Variants in LRRTM4 observed in about 807,000 individuals in gnomAD.
LRRTM4 encodes the protein leucine-rich repeat transmembrane neuronal protein 4.
Under a neutral mutation model 47.6 loss-of-function variants are expected in LRRTM4, and 25 were observed. The observed-to-expected ratio is 0.53, with a 90% confidence interval of 0.38 to 0.73. LRRTM4 has a LOEUF of 0.73. Ranked by LOEUF, LRRTM4 falls within the 30% of genes least tolerant of loss-of-function variation. The pLI, the probability that LRRTM4 is intolerant of heterozygous loss-of-function variation, is 0.00. For missense variants in LRRTM4, 638 were observed against 713.4 expected (o/e 0.89, Z 1.20); for synonymous variants, 311 against 269.5 (o/e 1.15, Z -1.51).
intron 3 of LRRTM4, among the ~76,000 whole-genome samples, chr2:76,840,857 G>T (rs1004673173): frequency 2.0e-5 from 3 of 152,062 alleles, no homozygotes; most frequent in African/African-American, 7.2e-5. Context: ...CATTGTGGAA[G>T]TCAGTGTGGC....
chr2:77,089,719 C>A (rs1331683524), intron 3 of LRRTM4, among the ~76,000 whole-genome samples: 1 of 152,130 alleles, frequency 6.6e-6, no homozygotes, highest in African/African-American at 2.4e-5. Flanking sequence ...CACACCTGAC[C>A]TAAAACCTAA....
chr2:76,772,670 A>G (rs913301619), intron 3 of LRRTM4, among the ~76,000 whole-genome samples: 5 of 152,170 alleles, frequency 3.3e-5, no homozygotes, highest in African/African-American at 1.2e-4. Flanking sequence ...TTTGAGGTAC[A>G]GTAGTGCCCA....
intron 3 of LRRTM4, among the ~76,000 whole-genome samples, chr2:77,083,156 A>G (rs543978912): frequency 6.6e-6 from 1 of 152,218 alleles, no homozygotes; most frequent in East Asian, 1.9e-4. Flanking sequence ...AATCCCTTTA[A>G]TTTTCCATAA....
chr2:76,801,416 A>C (rs1260534276), intron 3 of LRRTM4, among the ~76,000 whole-genome samples: 1 of 152,116 alleles, frequency 6.6e-6, no homozygotes, highest in Non-Finnish European at 1.5e-5. Context: ...TCGCAAGAAC[A>C]AAAAACCAAA....
chr2:76,835,687 A>G (rs957768342), intron 3 of LRRTM4, among the ~76,000 whole-genome samples: 1 of 152,032 alleles, frequency 6.6e-6, no homozygotes, highest in African/African-American at 2.4e-5. Flanking sequence ...TAACTTGACT[A>G]TTTGCACATT....
At chr2:77,132,547 G>A (rs1671829563) in intron 3 of LRRTM4, among the ~76,000 whole-genome samples, 1 of 152,250 alleles carries the variant, frequency 6.6e-6, no homozygotes, top group East Asian at 1.9e-4. Context: ...CAAAAAGCTA[G>A]CAGGTTCAGT....
intron 3 of LRRTM4, among the ~76,000 whole-genome samples, chr2:77,042,023 C>T (rs1679052181): frequency 6.6e-6 from 1 of 151,206 alleles, no homozygotes; most frequent in Non-Finnish European, 1.5e-5. Context: ...AACATAACAA[C>T]CGAATGCAAT....
At chr2:77,411,351 T>C (rs1486569278) in intron 3 of LRRTM4, among the ~76,000 whole-genome samples, 1 of 152,116 alleles carries the variant, frequency 6.6e-6, no homozygotes, top group Admixed American at 6.5e-5. Flanking sequence ...TAACCAAGTA[T>C]TGGATGCCGG....
chr2:77,298,391 C>T (rs533037494), intron 3 of LRRTM4, among the ~76,000 whole-genome samples: 3 of 152,258 alleles, frequency 2.0e-5, no homozygotes, highest in South Asian at 2.1e-4. Context: ...CACCCGCCAC[C>T]ACGCCCGGCT....
rs866884441 is a variant in LRRTM4, at chr2:77,480,863, G to A, written c.1551+37455C>T. On this transcript the variant is annotated intron_variant, in intron 3 of 3. Coordinates refer to ENST00000409884, the MANE Select transcript of LRRTM4 (RefSeq NM_001134745.3). ...AGAGAGAGAGAGAGAGAGAGAGAGA[G>A]AGAAATAGCTCTCATGCAGGATTTT... is the stretch of plus-strand genomic sequence containing the variant. 2.4e-3 allele frequency among the ~76,000 whole-genome samples: 315 copies of A among 129,708 alleles called. 1 individual carries two copies. Among genetic ancestry groups the A allele is most frequent in the South Asian group, 0.011 (46 of 4,046 alleles). The allele number at this position is 129,708 out of a possible 152,430, so 85.1% of individuals were successfully genotyped here.
At chr2:76,972,270 T>C (rs1017546032) in intron 3 of LRRTM4, among the ~76,000 whole-genome samples, 1 of 151,994 alleles carries the variant, frequency 6.6e-6, no homozygotes, top group Non-Finnish European at 1.5e-5. Flanking sequence ...CATGTGAATA[T>C]AGCCATCATT....
chr2:77,198,605 A>T (rs893428590), intron 3 of LRRTM4, among the ~76,000 whole-genome samples: 7 of 152,186 alleles, frequency 4.6e-5, no homozygotes, highest in African/African-American at 1.7e-4. Flanking sequence ...AGAGCATGAA[A>T]AACCTAGATA....
chr2:77,180,724 G>A (rs1673324294), intron 3 of LRRTM4, among the ~76,000 whole-genome samples: 1 of 152,004 alleles, frequency 6.6e-6, no homozygotes, highest in Admixed American at 6.6e-5. Context: ...TCTCATCTAT[G>A]CCACTGTACT....
chr2:77,183,124 AACT>A (rs563219853), intron 3 of LRRTM4, among the ~76,000 whole-genome samples: 1,884 of 152,302 alleles, frequency 0.012, 41 homozygotes, highest in African/African-American at 0.043. Context: ...CAGCAAAAGA[AACT>A]ACTATCAGAG....
At chr2:77,131,222 A>G (rs1671795792) in intron 3 of LRRTM4, among the ~76,000 whole-genome samples, 1 of 152,192 alleles carries the variant, frequency 6.6e-6, no homozygotes, top group Admixed American at 6.5e-5. Context: ...CAAAGCCGCA[A>G]GTAAATGATT....
chr2:77,058,445 A>G (rs1679679353), intron 3 of LRRTM4, among the ~76,000 whole-genome samples: 1 of 152,124 alleles, frequency 6.6e-6, no homozygotes, highest in Non-Finnish European at 1.5e-5. Flanking sequence ...AATCCTTGGA[A>G]TCCAACTGTA....
intron 3 of LRRTM4, among the ~76,000 whole-genome samples, chr2:76,791,846 G>GCTAGTTTCCAATATGAAATAGACTTTCAT (rs1674992741): frequency 6.6e-6 from 1 of 152,136 alleles, no homozygotes; most frequent in African/African-American, 2.4e-5. Context: ...ATTGTAATAA[G>GCTAGTTTCCAATATGAAATAGACTTTCAT]CTAGTTTCCA....
At chr2:77,198,493 C>G (rs571014465) in intron 3 of LRRTM4, among the ~76,000 whole-genome samples, 1 of 152,230 alleles carries the variant, frequency 6.6e-6, no homozygotes, top group African/African-American at 2.4e-5. Flanking sequence ...GATTCTAACC[C>G]TTCCCTTATC....
intron 3 of LRRTM4, among the ~76,000 whole-genome samples, chr2:77,216,959 G>A (rs1295099076): frequency 3.3e-5 from 5 of 151,824 alleles, no homozygotes; most frequent in African/African-American, 4.8e-5. Context: ...TGTAGTCCCA[G>A]CTACTCGGGA....
Sources: gnomAD v4.1 joint callset for allele counts (sites outside exome capture counted in the v4.1 genomes callset) on GRCh38, gnomAD v4.1.1 for gene constraint, MANE v1.5 for transcripts, NCBI Gene and HGNC (gene_info 2026-07-23, HGNC 2026-07-21) for gene names.